Variants in NDC80 observed in about 807,000 individuals in gnomAD.
NDC80 encodes the protein NDC80 kinetochore complex component.
A neutral mutation model predicts 89.3 loss-of-function variants in NDC80; 69 were observed. That is an observed-to-expected ratio of 0.77 (90% CI 0.64 to 0.94). The LOEUF is 0.94. NDC80 is among the 40% of genes least tolerant of loss of function. NDC80 has a pLI of 0.00. For synonymous variants in NDC80, 243 were observed against 255.6 expected (o/e 0.95, Z 0.47); for missense variants, 593 against 739.6 (o/e 0.80, Z 2.30).
At chr18:2,603,768 A>T (rs1331342504) in intron 13 of NDC80, among the ~76,000 whole-genome samples, 3 of 152,172 alleles carry the variant, frequency 2.0e-5, no homozygotes, top group Non-Finnish European at 1.5e-5. Flanking sequence ...ATCCCAAAAA[A>T]GTCAAAATAT....
chr18:2,591,697 C>A (rs1173848257), intron 10 of NDC80, among the ~76,000 whole-genome samples: 1 of 150,082 alleles, frequency 6.7e-6, no homozygotes, highest in Admixed American at 6.6e-5. Flanking sequence ...TTCATGATGA[C>A]AAAGAAGCTT....
intron 16 of NDC80, among the ~76,000 whole-genome samples, chr18:2,612,322 C>T (rs1415076399): frequency 7.8e-6 from 1 of 128,576 alleles, no homozygotes; most frequent in Admixed American, 8.9e-5. Context: ...GATAGCCTCA[C>T]TCTGTCACCC....
intron 16 of NDC80, chr18:2,614,597 G>GGA (rs2072770698): frequency 1.4e-4 from 1 of 6,928 alleles, no homozygotes; most frequent in African/African-American, 9.1e-4. Flanking sequence ...AAGAAAGAAA[G>GGA]AAAGAAAGAA....
intron 10 of NDC80, among the ~76,000 whole-genome samples, chr18:2,592,707 G>A (rs1367962404): frequency 1.3e-5 from 2 of 152,108 alleles, no homozygotes; most frequent in Non-Finnish European, 2.9e-5. Context: ...GCAGATGCCT[G>A]TGATAAATGC....
At chr18:2,609,903 A>G (rs114194975) in intron 15 of NDC80, among the ~76,000 whole-genome samples, 1,767 of 152,372 alleles carry the variant, frequency 0.012, 35 homozygotes, top group African/African-American at 0.04. Context: ...AGAAACTGGC[A>G]TAAGCAAACA....
Position 2,578,964 on chromosome 18 carries a change from G to A in NDC80, c.514G>A (p.Val172Met). The A allele has an allele frequency of 1.1e-5, 17 of 1,572,494 alleles. No individual in the cohort carries two copies. The highest frequency in any genetic ancestry group is 1.4e-5 in the Non-Finnish European group (16 of 1,159,812). Residue 172 changes from valine (V) to methionine (M), a missense_variant, in exon 6 of 17, where the codon GTG becomes ATG. Transcript: ENST00000261597. ...ACTATCCAAAAGCTCCATGTACACAGTGGGGGCTCCTCATACATGGCCTCA... is the reference window on the plus strand; with the variant it reads ...ACTATCCAAAAGCTCCATGTACACAATGGGGGCTCCTCATACATGGCCTCA... Reference protein sequence around the residue: ...FALSKSSMYTVGAPHTWPHIV... With the variant: ...FALSKSSMYTMGAPHTWPHIV...
At chr18:2,586,733 A>G (rs1225403188) in intron 7 of NDC80, among the ~76,000 whole-genome samples, 1 of 152,200 alleles carries the variant, frequency 6.6e-6, no homozygotes, top group African/African-American at 2.4e-5. Flanking sequence ...CTGTCTCAAA[A>G]AAAAAAGTGT....
intron 16 of NDC80, among the ~76,000 whole-genome samples, chr18:2,613,764 C>G (rs1447621780): frequency 6.6e-6 from 1 of 152,140 alleles, no homozygotes; most frequent in African/African-American, 2.4e-5. Context: ...AAGATCTTCT[C>G]TACATCAAAA....
At chr18:2,598,829 TTAAG>T in intron 11 of NDC80, among the ~76,000 whole-genome samples, 186 bp from the exon 12 acceptor site, 1 of 152,210 alleles carries the variant, frequency 6.6e-6, no homozygotes, top group South Asian at 2.1e-4. Flanking sequence ...TTCTGTAAAT[TTAAG>T]TGTTACTAAA....
At chr18:2,614,658 AAATT>A (rs2072774846) in intron 16 of NDC80, among the ~76,000 whole-genome samples, 2 of 2,086 alleles carry the variant, frequency 9.6e-4, no homozygotes, top group Non-Finnish European at 2.2e-3. Context: ...AGAAAGAAAT[AAATT>A]TGGCAATCCG....
chr18:2,612,276 C>CTTTTTTTTTTTTTTTTTTTT lies in NDC80; in HGVS notation c.1791+1429_1791+1448dup, dbSNP rs55648444. On this transcript the variant is annotated intron_variant, in intron 16 of 16. Coordinates refer to ENST00000261597, the MANE Select transcript of NDC80 (RefSeq NM_006101.3). Reference sequence around the variant, plus strand: ...TAGCACCTCTGACTTTCTTTTCTTTCTTTTTTTTTTTTTTTTTTTTTTTTT... The same window carrying CTTTTTTTTTTTTTTTTTTTT: ...TAGCACCTCTGACTTTCTTTTCTTTCTTTTTTTTTTTTTTTTTTTTTTTTTTTTTTTTTTTTTTTTTTTTT... 1.7e-4 allele frequency among the ~76,000 whole-genome samples: 10 copies of CTTTTTTTTTTTTTTTTTTTT among 60,400 alleles called. 2 individuals carry two copies. The highest frequency in any genetic ancestry group is 9.3e-4 in the South Asian group (1 of 1,074). The allele number at this position is 60,400 out of a possible 152,430, so 39.6% of individuals were successfully genotyped here.
chr18:2,614,484 G>GCAATCCGAAAAACC (rs1568015778), intron 16 of NDC80: 5 of 7,670 alleles, frequency 6.5e-4, no homozygotes, highest in Non-Finnish European at 8.3e-4. Flanking sequence ...AGAAAGAAAG[G>GCAATCCGAAAAACC]AAGGAAGGAA....
At position 2,599,011 on chromosome 18, in the gene NDC80, T is replaced by C; in HGVS notation, c.1222-8T>C. On this transcript the variant is annotated splice_polypyrimidine_tract_variant and splice_region_variant and intron_variant, in intron 11 of 16. Transcript: ENST00000261597. ...CTTTAACATGTCTTATGTGTTCTGT[T>C]CTTACAGATTGAAACACAATTAGCA... 1 of 1,599,186 alleles carries C rather than the reference T, an allele frequency of 6.3e-7. No individual in the cohort carries two copies. The highest frequency in any genetic ancestry group is 8.5e-7 in the Non-Finnish European group (1 of 1,173,696).
chr18:2,575,963 A>G (rs762183398), intron 3 of NDC80, among the ~76,000 whole-genome samples: 32 of 152,212 alleles, frequency 2.1e-4, no homozygotes, highest in Admixed American at 9.2e-4. Context: ...GCCAAGCATC[A>G]TGGTGCACGC....
At chr18:2,601,356 T>TAAAA in intron 12 of NDC80, 40 bp from the exon 13 acceptor site, 3 of 1,007,734 alleles carry the variant, frequency 3.0e-6, no homozygotes, top group South Asian at 1.9e-5. Context: ...ATTTTGTAAT[T>TAAAA]AAATGTTATA....
intron 3 of NDC80, among the ~76,000 whole-genome samples, chr18:2,576,042 T>A (rs1010734509): frequency 2.6e-5 from 4 of 152,210 alleles, no homozygotes; most frequent in African/African-American, 7.2e-5. Flanking sequence ...GAGGCTCCGG[T>A]GAGCCAGGTT....
chr18:2,596,255 A>G (rs2072655538), intron 11 of NDC80, among the ~76,000 whole-genome samples: 1 of 152,174 alleles, frequency 6.6e-6, no homozygotes, highest in South Asian at 2.1e-4. Context: ...AAAATGGGAG[A>G]AAATTTTCGC....
At position 2,578,935 on chromosome 18, in the gene NDC80, T is replaced by A. The variant is rs751028993; in HGVS notation, c.485T>A (p.Phe162Tyr). 47 of 1,523,088 alleles carry A rather than the reference T, an allele frequency of 3.1e-5. 1 individual carries two copies. Among genetic ancestry groups the A allele is most frequent in the Non-Finnish European group, 4.0e-5 (46 of 1,136,060 alleles). 94.3% of individuals were successfully genotyped at this position (1,523,088 alleles called of 1,614,324 possible). Reference protein sequence around the residue: ...PRIFKDLGYPFALSKSSMYTV... With the variant: ...PRIFKDLGYPYALSKSSMYTV... ...TTTCTGATTTCTCATAGGTATCCTT[T>A]TGCACTATCCAAAAGCTCCATGTAC... The change falls in exon 6 of 17, where the codon TTT becomes TAT. Residue 162 changes from phenylalanine (F) to tyrosine (Y), a missense_variant. Coordinates refer to ENST00000261597, the MANE Select transcript of NDC80 (RefSeq NM_006101.3).
chr18:2,608,873 A>G, intron 15 of NDC80, 43 bp downstream of exon 15: 2 of 1,564,404 alleles, frequency 1.3e-6, no homozygotes, highest in Non-Finnish European at 1.7e-6. Context: ...TTTTCAGATT[A>G]TTAATTTAAC....
Sources: allele counts gnomAD v4.1 joint callset (sites outside exome capture counted in the v4.1 genomes callset), GRCh38; gene constraint gnomAD v4.1.1; transcripts MANE v1.5; gene names NCBI Gene and HGNC (gene_info 2026-07-23, HGNC 2026-07-21).